The following GSAP variants were observed in gnomAD, a reference collection of about 807,000 sequenced individuals.
GSAP encodes the protein gamma-secretase-activating protein.
A neutral mutation model predicts 131.7 loss-of-function variants in GSAP; 118 were observed. The ratio of observed to expected loss-of-function variants is 0.90; its 90% CI spans 0.77 to 1.04. GSAP has a LOEUF of 1.04. Ranked by LOEUF, GSAP falls within the 50% of genes least tolerant of loss-of-function variation. The probability of loss-of-function intolerance (pLI) is 0.00; values close to 1 mark genes in which losing one functional copy is unlikely to be tolerated. For synonymous variants in GSAP, 381 were observed against 363.4 expected, an observed-to-expected ratio of 1.05 and a Z score of -0.55; for missense variants, 1,019 against 1,013.2, an observed-to-expected ratio of 1.01 and a Z score of -0.08.
At chr7:77,376,706 G>T in intron 10 of GSAP, 142 bp downstream of exon 10, 1 of 532,620 alleles carries the variant, frequency 1.9e-6, no homozygotes, top group Non-Finnish European at 3.4e-6. Context: ...GAACCCAGGA[G>T]GCAGAGCTTG....
chr7:77,405,291 C>T lies in GSAP; in HGVS notation c.187-676G>A, dbSNP rs185133331. ...CCCCAGCCTGGGTGACAGGGCAAGA[C>T]TCTGTTTCTAAAAACAAAATAATAA... On this transcript the variant is annotated intron_variant, in intron 2 of 30. Coordinates refer to ENST00000257626, the MANE Select transcript of GSAP (RefSeq NM_017439.4). Among the ~76,000 whole-genome samples, 41 of 152,122 alleles carry T rather than the reference C, an allele frequency of 2.7e-4. No individual in the cohort carries two copies. The Middle Eastern group carries it at 0.014, about 50-fold the overall frequency.
intron 12 of GSAP, among the ~76,000 whole-genome samples, 181 bp downstream of exon 12, chr7:77,373,886 TTCC>T (rs1187569245): frequency 2.0e-5 from 3 of 152,242 alleles, no homozygotes; most frequent in African/African-American, 7.2e-5. Context: ...TAACTGTGGC[TTCC>T]TCAATACAGA....
intron 19 of GSAP, among the ~76,000 whole-genome samples, chr7:77,339,171 G>A (rs1277580977): frequency 6.6e-6 from 1 of 152,182 alleles, no homozygotes; most frequent in Non-Finnish European, 1.5e-5. Flanking sequence ...GGTGGGACAT[G>A]CTCATGCAAC....
At chr7:77,416,140 G>T in intron 1 of GSAP, 73 bp downstream of exon 1, 1 of 868,648 alleles carries the variant, frequency 1.2e-6, no homozygotes, top group Non-Finnish European at 1.6e-6. Flanking sequence ...GCTCCCCACC[G>T]GGTCGGAGTC....
chr7:77,373,809 CA>C (rs1796462647), intron 12 of GSAP, among the ~76,000 whole-genome samples: 1 of 152,160 alleles, frequency 6.6e-6, no homozygotes, highest in African/African-American at 2.4e-5. Flanking sequence ...TGGTTAAATA[CA>C]ATCCATTTTC....
intron 1 of GSAP, among the ~76,000 whole-genome samples, chr7:77,407,173 CAT>C (rs1018983413): frequency 1.3e-5 from 2 of 152,058 alleles, no homozygotes; most frequent in Non-Finnish European, 2.9e-5. Flanking sequence ...AAAAATTACA[CAT>C]AAGTTTTTAA....
At chr7:77,380,860 A>G (rs762586651) in intron 8 of GSAP, among the ~76,000 whole-genome samples, 3 of 152,346 alleles carry the variant, frequency 2.0e-5, no homozygotes, top group Middle Eastern at 3.4e-3. Context: ...AATTAGAGTA[A>G]ATAACCAATT....
intron 19 of GSAP, among the ~76,000 whole-genome samples, chr7:77,337,594 A>G (rs980243900): frequency 5.9e-5 from 9 of 152,190 alleles, no homozygotes; most frequent in Non-Finnish European, 7.3e-5. Context: ...CATTGGCAGT[A>G]ACACCCTCAC....
At position 77,355,435 on chromosome 7, in the gene GSAP, C is replaced by CAAAAAAAAA; in HGVS notation, c.1121-14_1121-6dup. 2 of 1,337,278 alleles carry CAAAAAAAAA rather than the reference C, an allele frequency of 1.5e-6. No individual in the cohort carries two copies. Among genetic ancestry groups the CAAAAAAAAA allele is most frequent in the South Asian group, 1.3e-5 (1 of 77,984 alleles). The allele number at this position is 1,337,278 out of a possible 1,614,324, so 82.8% of individuals were successfully genotyped here. ...TATCAATCATTTCATTATTTCCTGG[C>CAAAAAAAAA]AAAAAAAAAAAAAACAGTAGATCAG... On this transcript the variant is annotated splice_polypyrimidine_tract_variant and splice_region_variant and intron_variant, in intron 15 of 30. Coordinates refer to ENST00000257626, the MANE Select transcript of GSAP (RefSeq NM_017439.4).
chr7:77,316,153 G>C (rs1205928329), intron 26 of GSAP: 2 of 152,216 alleles, frequency 1.3e-5, no homozygotes, highest in Non-Finnish European at 2.9e-5. Context: ...GCTACAGAAG[G>C]TATGAAGACC....
chr7:77,333,103 G>A (rs758372689), intron 19 of GSAP, among the ~76,000 whole-genome samples: 2 of 152,102 alleles, frequency 1.3e-5, no homozygotes, highest in Non-Finnish European at 2.9e-5. Flanking sequence ...GGAGGCGGAG[G>A]TTGCAGTGAG....
chr7:77,361,244 C>T (rs1299572880), intron 13 of GSAP, among the ~76,000 whole-genome samples: 3 of 152,190 alleles, frequency 2.0e-5, no homozygotes, highest in Non-Finnish European at 4.4e-5. Flanking sequence ...CAAGGCTCAC[C>T]GCCACACACG....
chr7:77,323,306 T>C (rs1787907878), intron 24 of GSAP, among the ~76,000 whole-genome samples: 1 of 152,238 alleles, frequency 6.6e-6, no homozygotes, highest in Non-Finnish European at 1.5e-5. Flanking sequence ...CCTGTCTGCA[T>C]AAACCTCCAT....
chr7:77,395,038 C>A (rs558713358), intron 5 of GSAP, among the ~76,000 whole-genome samples: 3 of 152,320 alleles, frequency 2.0e-5, no homozygotes, highest in Admixed American at 2.0e-4. Context: ...CAAGACTGAG[C>A]AAGCATCCCT....
At chr7:77,368,839 T>TGG (rs1417168279) in intron 12 of GSAP, among the ~76,000 whole-genome samples, 1 of 152,252 alleles carries the variant, frequency 6.6e-6, no homozygotes, top group Non-Finnish European at 1.5e-5. Context: ...AAGTTATATC[T>TGG]GGCTATAAAG....
rs751960168 is a variant in GSAP at position 77,311,376 on chromosome 7, C to T, written c.2547G>A (p.Ala849=). 9 of 1,605,922 alleles carry T rather than the reference C, an allele frequency of 5.6e-6. No homozygotes were observed. In the South Asian group the frequency reaches 6.6e-5, roughly 12 times the overall value. Residue 849 remains alanine, a synonymous_variant, in exon 31 of 31, where the codon GCG becomes GCA. Transcript: ENST00000257626. ...FVEEAALKHT[A]MLLGL Reference sequence around the variant, plus strand: ...TTCTTTTTCATAAGCCTAAAAGCATCGCGGTGTGTTTCAGAGCTGCTTCCT... The same window carrying T: ...TTCTTTTTCATAAGCCTAAAAGCATTGCGGTGTGTTTCAGAGCTGCTTCCT...
intron 19 of GSAP, 195 bp from the exon 20 acceptor site, chr7:77,330,562 A>C: frequency 9.2e-7 from 1 of 1,089,376 alleles, no homozygotes; most frequent in Non-Finnish European, 1.1e-6. Context: ...TACCCACTTC[A>C]TTTTCTGTCT....
chr7:77,367,701 T>A (rs1795521814), intron 12 of GSAP, among the ~76,000 whole-genome samples: 1 of 152,224 alleles, frequency 6.6e-6, no homozygotes, highest in Non-Finnish European at 1.5e-5. Flanking sequence ...AGTATCAGGA[T>A]GATGCTGGCC....
At chr7:77,320,978 C>G (rs1254575863) in intron 25 of GSAP, among the ~76,000 whole-genome samples, 159 bp from the exon 26 acceptor site, 1 of 152,132 alleles carries the variant, frequency 6.6e-6, no homozygotes, top group Non-Finnish European at 1.5e-5. Flanking sequence ...GACCATCGGC[C>G]TAATGCCTAG....
Sources: gnomAD v4.1 joint callset for allele counts (sites outside exome capture counted in the v4.1 genomes callset) on GRCh38, gnomAD v4.1.1 for gene constraint, MANE v1.5 for transcripts, NCBI Gene and HGNC (gene_info 2026-07-23, HGNC 2026-07-21) for gene names.